The following CLVS1 variants were observed in gnomAD, a reference collection of about 807,000 sequenced individuals.
CLVS1 encodes the protein clavesin-1.
CLVS1 carries 10 observed loss-of-function variants against 33.1 expected under a neutral mutation model. That is an observed-to-expected ratio of 0.30 (90% CI 0.19 to 0.51). The LOEUF (loss-of-function observed/expected upper bound fraction) is 0.51. CLVS1 is among the 20% of genes least tolerant of loss of function. CLVS1 has a pLI of 0.97. For missense variants in CLVS1, 343 were observed against 433.4 expected (o/e 0.79, Z 1.85); for synonymous variants, 163 against 166.1 (o/e 0.98, Z 0.14).
chr8:61,020,458 GA>G, the CLVS1 span, among the ~76,000 whole-genome samples: 1 of 152,182 alleles, frequency 6.6e-6, no homozygotes, highest in Non-Finnish European at 1.5e-5. Flanking sequence ...CTATAGTTTG[GA>G]ATAACAGCTT....
chr8:61,310,073 C>G (rs1810779915), intron 2 of CLVS1, among the ~76,000 whole-genome samples: 1 of 152,176 alleles, frequency 6.6e-6, no homozygotes, highest in South Asian at 2.1e-4. Context: ...AGATGTTAGG[C>G]TTCTCACCAG....
chr8:61,398,287 G>A (rs1814615317), intron 3 of CLVS1, among the ~76,000 whole-genome samples: 3 of 150,160 alleles, frequency 2.0e-5, no homozygotes, highest in African/African-American at 4.9e-5. Context: ...GTTCCAGCAA[G>A]CCTTCCACCT....
At chr8:61,112,577 A>G (rs1398366035) in intron 1 of CLVS1, among the ~76,000 whole-genome samples, 1 of 152,236 alleles carries the variant, frequency 6.6e-6, no homozygotes, top group Non-Finnish European at 1.5e-5. Flanking sequence ...CTGTAAGTGA[A>G]TACTGGATAT....
intron 2 of CLVS1, among the ~76,000 whole-genome samples, chr8:61,277,376 T>A (rs1809578979): frequency 6.6e-6 from 1 of 152,208 alleles, no homozygotes; most frequent in African/African-American, 2.4e-5. Flanking sequence ...AAGGTCCTGC[T>A]TCCTGAGGGT....
chr8:61,085,371 C>T (rs769919762), intron 1 of CLVS1, among the ~76,000 whole-genome samples: 8 of 152,140 alleles, frequency 5.3e-5, no homozygotes, highest in Non-Finnish European at 1.2e-4. Flanking sequence ...TTGTCTCCTT[C>T]GCTAGACCCC....
chr8:61,245,800 G>A (rs1013083500), intron 2 of CLVS1, among the ~76,000 whole-genome samples: 5 of 151,196 alleles, frequency 3.3e-5, no homozygotes, highest in Non-Finnish European at 5.9e-5. Context: ...TATTATCTTA[G>A]GGATGGCTGG....
chr8:61,284,039 AC>A (rs568300158), upstream of CLVS1, among the ~76,000 whole-genome samples: 12 of 152,344 alleles, frequency 7.9e-5, no homozygotes, highest in East Asian at 2.3e-3. Context: ...TTTACCTGTA[AC>A]AAAGAATGAA....
chr8:61,316,452 A>G (rs1811013419), intron 2 of CLVS1, among the ~76,000 whole-genome samples: 1 of 152,188 alleles, frequency 6.6e-6, no homozygotes, highest in African/African-American at 2.4e-5. Context: ...CTACTTGTTA[A>G]CTCAAGAGTA....
chr8:61,317,628 A>G (rs918677725), intron 2 of CLVS1, among the ~76,000 whole-genome samples: 1 of 152,178 alleles, frequency 6.6e-6, no homozygotes, highest in Non-Finnish European at 1.5e-5. Context: ...TGGTCTGAAC[A>G]AGTATTACTT....
At chr8:61,324,492 A>G (rs1454017958) in intron 2 of CLVS1, among the ~76,000 whole-genome samples, 2 of 152,144 alleles carry the variant, frequency 1.3e-5, no homozygotes, top group African/African-American at 2.4e-5. Context: ...CAGCAGCATG[A>G]AAATGAACTA....
chr8:61,409,372 A>G (rs1351169523), intron 3 of CLVS1, among the ~76,000 whole-genome samples: 1 of 152,208 alleles, frequency 6.6e-6, no homozygotes, highest in East Asian at 1.9e-4. Context: ...TTCATATTAT[A>G]TATAGTGCTG....
chr8:61,124,015 A>G (rs939980472), intron 1 of CLVS1, among the ~76,000 whole-genome samples: 3 of 152,232 alleles, frequency 2.0e-5, no homozygotes, highest in Non-Finnish European at 2.9e-5. Context: ...CAACAAAGGC[A>G]CAGAGACAAA....
At chr8:61,294,639 A>G (rs1810124481) in intron 1 of CLVS1, among the ~76,000 whole-genome samples, 1 of 152,202 alleles carries the variant, frequency 6.6e-6, no homozygotes, top group Admixed American at 6.5e-5. Context: ...AAGAAAAAAG[A>G]TAATTGATAT....
chr8:61,052,186 T>A (rs754043343), upstream of CLVS1, among the ~76,000 whole-genome samples: 12 of 152,236 alleles, frequency 7.9e-5, no homozygotes, highest in Non-Finnish European at 1.6e-4. Context: ...TCCTTAGGTG[T>A]GGAGGTTATA....
At chr8:61,498,006 G>A (rs143998121) in intron 5 of CLVS1, among the ~76,000 whole-genome samples, 259 of 152,172 alleles carry the variant, frequency 1.7e-3, no homozygotes, top group African/African-American at 5.3e-3. Flanking sequence ...TTACTACAAC[G>A]TGTTTTATCA....
chr8:61,289,420 T>G (rs1809897639), intron 1 of CLVS1, among the ~76,000 whole-genome samples: 1 of 152,212 alleles, frequency 6.6e-6, no homozygotes, highest in South Asian at 2.1e-4. Flanking sequence ...ATCTGTTTTA[T>G]AAGAGCTAAC....
At chr8:61,277,385 G>A (rs1182958188) in intron 2 of CLVS1, among the ~76,000 whole-genome samples, 2 of 152,290 alleles carry the variant, frequency 1.3e-5, no homozygotes, top group African/African-American at 4.8e-5. Flanking sequence ...CTTCCTGAGG[G>A]TGCCTGAGCT....
chr8:61,172,796 G>GT (rs71245558), intron 2 of CLVS1, among the ~76,000 whole-genome samples: 67,958 of 151,978 alleles, frequency 0.45, 16,965 homozygotes, highest in Middle Eastern at 0.66. Context: ...CTTTCCATCT[G>GT]TGGCTCTCCC....
the CLVS1 span, among the ~76,000 whole-genome samples, chr8:61,012,455 G>C: frequency 1.3e-5 from 2 of 152,204 alleles, no homozygotes; most frequent in Admixed American, 1.3e-4. Context: ...GAAACATTAG[G>C]AAATGAGAAC....
Sources: gnomAD v4.1 joint callset for allele counts (sites outside exome capture counted in the v4.1 genomes callset) on GRCh38, gnomAD v4.1.1 for gene constraint, MANE v1.5 for transcripts, NCBI Gene and HGNC (gene_info 2026-07-23, HGNC 2026-07-21) for gene names.